CEL: variants seen among roughly 807,000 people sequenced by gnomAD.
The protein encoded by CEL is bile salt-activated lipase.
In CEL, 39 loss-of-function variants were observed where a neutral mutation model predicts 57.1. The observed-to-expected ratio is 0.68, with a 90% CI of 0.53 to 0.89. The LOEUF (loss-of-function observed/expected upper bound fraction) is 0.89, where lower values mean the gene tolerates loss of function less well. Ranked by LOEUF, CEL falls within the 40% of genes least tolerant of loss-of-function variation. CEL has a pLI of 0.00. For missense variants in CEL, 698 were observed against 915.0 expected (o/e 0.76, Z 3.06); for synonymous variants, 314 against 396.6 (o/e 0.79, Z 2.48).
At chr9:133,065,336 G>A (rs1830161681) in intron 4 of CEL, 99 bp downstream of exon 4, 6 of 1,387,148 alleles carry the variant, frequency 4.3e-6, no homozygotes, top group Middle Eastern at 1.8e-4. Flanking sequence ...ACCAGTGGCG[G>A]TTCACAGAAA....
Position 133,066,910 on chromosome 9 carries a change from GTCA to G in CEL, c.745_747del (p.Ile249del). On this transcript the variant is annotated inframe_deletion, in exon 6 of 11. Transcript: ENST00000372080. The surrounding 1 kb of genome is among the most constrained non-coding windows in gnomAD (Gnocchi z 4.3). ...GAGCGGCGTGGCCCTGAGTCCCTGG[GTCA>G]TCCAGAAAAACCCACTCTTCTGGGC... is the stretch of plus-strand genomic sequence containing the variant. The G allele has an allele frequency of 6.6e-7, 1 of 1,521,144 alleles. No individual in the cohort carries two copies. Among genetic ancestry groups the G allele is most frequent in the Non-Finnish European group, 8.9e-7 (1 of 1,123,026 alleles). The allele number at this position is 1,521,144 out of a possible 1,614,324, so 94.2% of individuals were successfully genotyped here.
rs1830183506 is a variant in CEL at position 133,066,765 on chromosome 9, G to T, written c.670-73G>T. 1.2e-6 allele frequency: 2 copies of T among 1,608,522 alleles called. No individual in the cohort carries two copies. The highest frequency in any genetic ancestry group is 1.7e-6 in the Non-Finnish European group (2 of 1,176,298). On this transcript the variant is annotated intron_variant, in intron 5 of 10. Transcript: ENST00000372080. The surrounding 1 kb of genome is among the most constrained non-coding windows in gnomAD (Gnocchi z 4.3). ...GCGTGGAGCTGGGGCTGTGGTGCTG[G>T]GGTGTCCTTGTCCCAGCGTGGGGTG... is the stretch of plus-strand genomic sequence containing the variant.
intron 9 of CEL, among the ~76,000 whole-genome samples, chr9:133,069,505 C>T (rs1366345083): frequency 2.0e-5 from 3 of 150,908 alleles, no homozygotes; most frequent in Admixed American, 6.6e-5. Flanking sequence ...CCCTGCACCC[C>T]ATGGTCCTTC....
At position 133,070,988 on chromosome 9, in the gene CEL, G is replaced by T. The variant is rs367974787; in HGVS notation, c.1486G>T (p.Asp496Tyr). The change falls in exon 11 of 11, where the codon GAC becomes TAC. Residue 496 changes from aspartate (D) to tyrosine (Y), a missense_variant and splice_region_variant. Around this residue, in one of 6 missense-constraint regions of CEL, gnomAD observed 111 missense variants for 147.3 expected, o/e 0.75. Transcript: ENST00000372080. Reference sequence around the variant, plus strand: ...GCACAGCCTCTTCTCACTCTGCAGGGACCCCAACATGGGCGACTCGGCTGT... The same window carrying T: ...GCACAGCCTCTTCTCACTCTGCAGGTACCCCAACATGGGCGACTCGGCTGT... ...AYWTNFAKTG[D>Y]PNMGDSAVPT... 3 of 1,613,366 alleles carry T rather than the reference G, an allele frequency of 1.9e-6. No individual in the cohort carries two copies. In the African/African-American group the frequency reaches 4.0e-5, roughly 22 times the overall value.
chr9:133,062,712 C>G (rs1296927495), intron 1 of CEL, among the ~76,000 whole-genome samples: 1 of 149,220 alleles, frequency 6.7e-6, no homozygotes, highest in East Asian at 1.9e-4. Flanking sequence ...TTCCACCTCT[C>G]TGTTGTTCCC....
intron 1 of CEL, among the ~76,000 whole-genome samples, chr9:133,063,330 G>A (rs1001223035): frequency 3.3e-5 from 5 of 152,188 alleles, no homozygotes; most frequent in African/African-American, 1.2e-4. Flanking sequence ...ACTGGCACAA[G>A]GAGACACAGA....
At chr9:133,068,100 C>T (rs930173249) in intron 7 of CEL, among the ~76,000 whole-genome samples, 1 of 152,244 alleles carries the variant, frequency 6.6e-6, no homozygotes, top group Admixed American at 6.5e-5. Context: ...AAAGCAACCC[C>T]CACGGCCCCG....
At position 133,065,099 on chromosome 9, in the gene CEL, G is replaced by A. The variant is rs377284693; in HGVS notation, c.400G>A (p.Gly134Ser). The change falls in exon 4 of 11, where the codon GGC (glycine) becomes AGC (serine). Residue 134 changes from glycine (G) to serine (S), a missense_variant. By Grantham distance (56) the Gly-to-Ser change is moderately conservative. Around this residue, in one of 6 missense-constraint regions of CEL, gnomAD observed 327 missense variants for 374.1 expected, o/e 0.87. Coordinates refer to ENST00000372080, the MANE Select transcript of CEL (RefSeq NM_001807.6). Reference protein sequence around the residue: ...IYGGAFLMGSGHGANFLNNYL... With the variant: ...IYGGAFLMGSSHGANFLNNYL... ...TGGAGGCGCCTTCCTCATGGGGTCC[G>A]GCCATGGGGCCAACTTCCTCAACAA... 1.7e-5 allele frequency: 28 copies of A among 1,613,822 alleles called. No homozygotes were observed. The highest frequency in any genetic ancestry group is 1.6e-4 in the South Asian group (15 of 91,088).
chr9:133,070,697 C>T lies in CEL; in HGVS notation c.1484+39C>T, dbSNP rs374373824. ...TGAGTGCAGGGCGGAGGGCCACAGCCGAGAAGGGCCTCCCACCACGAGGCC... is the reference window on the plus strand; with the variant it reads ...TGAGTGCAGGGCGGAGGGCCACAGCTGAGAAGGGCCTCCCACCACGAGGCC... On this transcript the variant is annotated intron_variant, in intron 10 of 10. Coordinates refer to ENST00000372080, the MANE Select transcript of CEL (RefSeq NM_001807.6). 14 of 1,613,294 alleles carry T rather than the reference C, an allele frequency of 8.7e-6. No individual in the cohort carries two copies. The East Asian group carries it at 1.6e-4, about 18-fold the overall frequency.
intron 3 of CEL, 30 bp downstream of exon 3, chr9:133,064,792 C>T (rs1225276245): frequency 5.0e-6 from 8 of 1,613,418 alleles, no homozygotes; most frequent in Non-Finnish European, 6.8e-6. Flanking sequence ...CCCAAGGGAC[C>T]CTCCCATGCA....
intron 1 of CEL, among the ~76,000 whole-genome samples, chr9:133,063,481 G>C (rs1235771748): frequency 6.6e-6 from 1 of 152,198 alleles, no homozygotes; most frequent in Admixed American, 6.5e-5. Flanking sequence ...GACCCTGGCT[G>C]GGCCTGGGGG....
Position 133,065,146 on chromosome 9 carries a change from G to A in CEL, c.447G>A (p.Glu149=). The A allele has an allele frequency of 6.2e-7, 1 of 1,613,972 alleles. No homozygotes were observed. Among genetic ancestry groups the A allele is most frequent in the Non-Finnish European group, 8.5e-7 (1 of 1,180,040 alleles). The change falls in exon 4 of 11, where the codon GAG becomes GAA. Residue 149 remains glutamate, a synonymous_variant. Coordinates refer to ENST00000372080, the MANE Select transcript of CEL (RefSeq NM_001807.6). ...ACAACTACCTGTATGACGGCGAGGAGATCGCCACACGCGGAAACGTCATCG... is the reference window on the plus strand; with the variant it reads ...ACAACTACCTGTATGACGGCGAGGAAATCGCCACACGCGGAAACGTCATCG... ...FLNNYLYDGE[E]IATRGNVIVV...
intron 4 of CEL, among the ~76,000 whole-genome samples, chr9:133,065,945 G>C (rs574669461): frequency 6.6e-6 from 1 of 152,210 alleles, no homozygotes; most frequent in East Asian, 1.9e-4. Context: ...TTGAGCCCAG[G>C]GGTTCAAAGC....
chr9:133,064,432 T>C lies in CEL; in HGVS notation c.95T>C (p.Phe32Ser). The C allele has an allele frequency of 4.3e-6, 7 of 1,614,098 alleles. No homozygotes were observed. Among genetic ancestry groups the C allele is most frequent in the South Asian group, 2.2e-5 (2 of 91,084 alleles). Reference sequence around the variant, plus strand: ...GGCGCCGTGTACACAGAAGGTGGGTTCGTGGAAGGCGTCAATAAGAAGCTC... The same window carrying C: ...GGCGCCGTGTACACAGAAGGTGGGTCCGTGGAAGGCGTCAATAAGAAGCTC... ...KLGAVYTEGG[F>S]VEGVNKKLGL... The change falls in exon 2 of 11, where the codon TTC (phenylalanine) becomes TCC (serine). Residue 32 changes from phenylalanine to serine, a missense_variant. By Grantham distance (155) the Phe-to-Ser change is radical. Coordinates refer to ENST00000372080, the MANE Select transcript of CEL (RefSeq NM_001807.6).
At chr9:133,068,301 C>T (rs1018789125) in intron 7 of CEL, among the ~76,000 whole-genome samples, 1 of 152,112 alleles carries the variant, frequency 6.6e-6, no homozygotes, top group African/African-American at 2.4e-5. Flanking sequence ...TCAGTGGCTT[C>T]TAAGTTTCCT....
At position 133,064,588 on chromosome 9, in the gene CEL, C is replaced by T. The variant is rs778382071; in HGVS notation, c.217+34C>T. 4.1e-5 allele frequency: 66 copies of T among 1,613,774 alleles called. No homozygotes were observed. The highest frequency in any genetic ancestry group is 1.0e-4 in the Admixed American group (6 of 60,004). On this transcript the variant is annotated intron_variant, in intron 2 of 10. Transcript: ENST00000372080. Reference sequence around the variant, plus strand: ...GGGTGGTGCCGGACTGGCCCTGCGGCGGGGCGGGTGAGGGCGGCTGCCTTC... The same window carrying T: ...GGGTGGTGCCGGACTGGCCCTGCGGTGGGGCGGGTGAGGGCGGCTGCCTTC...
chr9:133,064,290 C>G, intron 1 of CEL, 114 bp from the exon 2 acceptor site: 1 of 1,430,862 alleles, frequency 7.0e-7, no homozygotes, highest in Admixed American at 1.9e-5. Context: ...CAGAGCTGTC[C>G]TGCTTTGAAG....
Position 133,064,768 on chromosome 9 carries a change from C to T in CEL, c.340+6C>T, listed in dbSNP as rs568745078. On this transcript the variant is annotated splice_donor_region_variant and intron_variant, in intron 3 of 10. Transcript: ENST00000372080. ...GCCCCAGGGCAGGAAGCAAGGTCTG[C>T]CTCCCCTCTACTCCCCAAGGGACCC... 39 of 1,613,910 alleles carry T rather than the reference C, an allele frequency of 2.4e-5. 1 individual carries two copies. The South Asian group carries it at 4.3e-4, about 18-fold the overall frequency.
At chr9:133,067,026 C>T in intron 6 of CEL, 62 bp from the exon 7 acceptor site, 2 of 1,608,012 alleles carry the variant, frequency 1.2e-6, no homozygotes, top group East Asian at 4.5e-5. Flanking sequence ...TCCTTGCCTT[C>T]AAATGGTTCT....
Sources: allele counts gnomAD v4.1 joint callset (sites outside exome capture counted in the v4.1 genomes callset), GRCh38; gene constraint gnomAD v4.1.1; regional missense constraint gnomAD v4.1.1; non-coding constraint Gnocchi (gnomAD v3.1); transcripts MANE v1.5; gene names NCBI Gene and HGNC (gene_info 2026-07-23, HGNC 2026-07-21).